Variants in CDH12 observed in about 807,000 individuals in gnomAD.
CDH12 encodes the protein cadherin-12.
A neutral mutation model predicts 74.1 loss-of-function variants in CDH12; 41 were observed. The observed-to-expected ratio is 0.55, with a 90% CI of 0.43 to 0.72. The LOEUF (loss-of-function observed/expected upper bound fraction) is 0.72. Ranked by LOEUF, CDH12 falls within the 30% of genes least tolerant of loss-of-function variation. The pLI, the probability that CDH12 is intolerant of heterozygous loss-of-function variation, is 0.00. For missense variants in CDH12, 945 were observed against 977.2 expected (o/e 0.97, Z 0.44); for synonymous variants, 399 against 355.0 (o/e 1.12, Z -1.39).
At chr5:22,522,073 C>G (rs1171736043) in intron 1 of CDH12, among the ~76,000 whole-genome samples, 2 of 152,156 alleles carry the variant, frequency 1.3e-5, no homozygotes, top group Admixed American at 1.3e-4. Flanking sequence ...CTCATATCAA[C>G]AGCCTTACAC....
chr5:22,380,684 T>G (rs1034674578), intron 3 of CDH12, among the ~76,000 whole-genome samples: 4 of 152,172 alleles, frequency 2.6e-5, no homozygotes, highest in Admixed American at 6.5e-5. Context: ...AATAATGATG[T>G]AGCTGCATCA....
chr5:22,232,102 C>T lies in CDH12; in HGVS notation c.-332-19459G>A, dbSNP rs537465330. Among the ~76,000 whole-genome samples, 8 of 151,774 alleles carry T rather than the reference C, an allele frequency of 5.3e-5. No individual in the cohort carries two copies. The South Asian group carries it at 1.7e-3, about 32-fold the overall frequency. On this transcript the variant is annotated intron_variant, in intron 3 of 14. Coordinates refer to ENST00000382254, the MANE Select transcript of CDH12 (RefSeq NM_004061.5). ...ATCACAGAAATATGCTGTTTTATCACATTTCATATATAAGTTTCTATTAAA... is the reference window on the plus strand; with the variant it reads ...ATCACAGAAATATGCTGTTTTATCATATTTCATATATAAGTTTCTATTAAA...
At chr5:22,467,127 G>A (rs2126597797) in intron 2 of CDH12, among the ~76,000 whole-genome samples, 1 of 152,218 alleles carries the variant, frequency 6.6e-6, no homozygotes, top group Non-Finnish European at 1.5e-5. Context: ...GCTCAGGAGA[G>A]TTCTGTGTTT....
chr5:22,122,679 T>C (rs1057360191), intron 4 of CDH12, among the ~76,000 whole-genome samples: 6 of 152,250 alleles, frequency 3.9e-5, no homozygotes, highest in Non-Finnish European at 7.3e-5. Flanking sequence ...GTGGATGAGA[T>C]TAACATTTGA....
chr5:22,182,043 C>T (rs6875639), intron 4 of CDH12, among the ~76,000 whole-genome samples: 10,147 of 152,070 alleles, frequency 0.067, 454 homozygotes, highest in South Asian at 0.15. Flanking sequence ...ATCACTCCCC[C>T]ACTCCATCTT....
At chr5:22,693,550 T>C (rs561350894) in intron 1 of CDH12, among the ~76,000 whole-genome samples, 21 of 152,046 alleles carry the variant, frequency 1.4e-4, no homozygotes, top group Non-Finnish European at 2.6e-4. Context: ...TTTTTGAAAA[T>C]TTGAAAAAAA....
At chr5:21,756,701 T>C (rs1297149521) in intron 13 of CDH12, among the ~76,000 whole-genome samples, 1 of 152,210 alleles carries the variant, frequency 6.6e-6, no homozygotes, top group East Asian at 1.9e-4. Flanking sequence ...TTGTTATTTT[T>C]AGAAATGTGA....
chr5:22,705,762 T>TG (rs1742976731), intron 1 of CDH12, among the ~76,000 whole-genome samples: 1 of 151,898 alleles, frequency 6.6e-6, no homozygotes, highest in African/African-American at 2.4e-5. Context: ...TATAATACAA[T>TG]GAAAAAAAGC....
At chr5:21,824,575 T>C (rs886681605) in intron 8 of CDH12, among the ~76,000 whole-genome samples, 6 of 152,208 alleles carry the variant, frequency 3.9e-5, no homozygotes, top group Non-Finnish European at 7.3e-5. Context: ...AACACAGCCT[T>C]GTTCTCTTTT....
intron 2 of CDH12, among the ~76,000 whole-genome samples, chr5:22,470,085 G>A (rs1482147761): frequency 1.3e-5 from 2 of 152,212 alleles, no homozygotes; most frequent in Admixed American, 6.5e-5. Context: ...GCCTTCTGGT[G>A]TAGAAACTTT....
chr5:21,973,643 G>T (rs1190942728), intron 6 of CDH12, among the ~76,000 whole-genome samples: 3 of 152,138 alleles, frequency 2.0e-5, no homozygotes, highest in Non-Finnish European at 4.4e-5. Context: ...GTCACTGAGG[G>T]TCATAAATTC....
chr5:22,326,120 TC>T (rs1252466963), intron 3 of CDH12, among the ~76,000 whole-genome samples: 1 of 152,156 alleles, frequency 6.6e-6, no homozygotes, highest in African/African-American at 2.4e-5. Flanking sequence ...GAATAGCTTT[TC>T]CCCCGTTCTC....
At chr5:22,403,237 T>G (rs1742806174) in intron 3 of CDH12, among the ~76,000 whole-genome samples, 1 of 152,226 alleles carries the variant, frequency 6.6e-6, no homozygotes, top group Non-Finnish European at 1.5e-5. Context: ...TGATAATTAT[T>G]ATGGCAATCC....
At chr5:22,489,508 G>T (rs2126637965) in intron 2 of CDH12, among the ~76,000 whole-genome samples, 1 of 151,798 alleles carries the variant, frequency 6.6e-6, no homozygotes, top group Admixed American at 6.6e-5. Context: ...TTCTACTGTT[G>T]GCATGATTTC....
intron 3 of CDH12, among the ~76,000 whole-genome samples, chr5:22,253,875 GTTATT>G (rs1753218002): frequency 6.6e-6 from 1 of 151,914 alleles, no homozygotes; most frequent in Non-Finnish European, 1.5e-5. Context: ...TGAACAGATT[GTTATT>G]TTAAAGTAGT....
chr5:22,263,822 A>G (rs1005859749), intron 3 of CDH12, among the ~76,000 whole-genome samples: 1 of 152,098 alleles, frequency 6.6e-6, no homozygotes, highest in Non-Finnish European at 1.5e-5. Context: ...ACAAGAGGAA[A>G]CTTTGAGTTA....
At chr5:22,423,876 G>A (rs533920698) in intron 2 of CDH12, among the ~76,000 whole-genome samples, 2 of 151,516 alleles carry the variant, frequency 1.3e-5, no homozygotes, top group Admixed American at 1.3e-4. Context: ...GTTGGCGGGC[G>A]CCTGTAGTCC....
intron 4 of CDH12, among the ~76,000 whole-genome samples, chr5:22,091,326 A>T (rs1743420881): frequency 6.7e-6 from 1 of 149,152 alleles, no homozygotes; most frequent in Non-Finnish European, 1.5e-5. Flanking sequence ...ACAGAGGGAG[A>T]GTGTTAGAGG....
chr5:22,716,868 T>C (rs1412599239), intron 1 of CDH12, among the ~76,000 whole-genome samples: 4 of 151,846 alleles, frequency 2.6e-5, no homozygotes, highest in Non-Finnish European at 4.4e-5. Context: ...GAAAAAAAGA[T>C]TATAGAATAA....
Sources: allele counts gnomAD v4.1 joint callset (sites outside exome capture counted in the v4.1 genomes callset), GRCh38; gene constraint gnomAD v4.1.1; transcripts MANE v1.5; gene names NCBI Gene and HGNC (gene_info 2026-07-23, HGNC 2026-07-21).